ATP6V0A2: variants seen among roughly 807,000 people sequenced by gnomAD.
The protein encoded by ATP6V0A2 is ATPase H+ transporting V0 subunit a2, also known as V-type proton ATPase 116 kDa subunit a 2.
In ATP6V0A2, 58 loss-of-function variants were observed where a neutral mutation model predicts 104.4. The ratio of observed to expected loss-of-function variants is 0.56; its 90% confidence interval spans 0.45 to 0.69. The LOEUF is 0.69. Ranked by LOEUF, ATP6V0A2 falls within the 30% of genes least tolerant of loss-of-function variation. The pLI, the probability that ATP6V0A2 is intolerant of heterozygous loss-of-function variation, is 0.00. For synonymous variants in ATP6V0A2, 376 were observed against 397.9 expected, an observed-to-expected ratio of 0.95 and a Z score of 0.65; for missense variants, 938 against 1,062.9, an observed-to-expected ratio of 0.88 and a Z score of 1.63.
At chr12:123,736,020 G>A (rs564584613) in intron 8 of ATP6V0A2, among the ~76,000 whole-genome samples, 71 of 151,678 alleles carry the variant, frequency 4.7e-4, no homozygotes, top group East Asian at 3.9e-4. Flanking sequence ...TTACAGTCAC[G>A]CACCACCATG....
intron 6 of ATP6V0A2, among the ~76,000 whole-genome samples, chr12:123,728,203 T>C (rs1956465957): frequency 6.6e-6 from 1 of 152,196 alleles, no homozygotes; most frequent in Admixed American, 6.5e-5. Context: ...AAGAATGTAA[T>C]TTAGCATTGC....
chr12:123,755,552 T>TA (rs1361631383), intron 18 of ATP6V0A2, among the ~76,000 whole-genome samples: 8,213 of 107,334 alleles, frequency 0.077, 654 homozygotes, highest in African/African-American at 0.23. Flanking sequence ...AAAAAAAAGC[T>TA]AAAAAAAAAA....
chr12:123,726,078 T>C (rs1340393672), intron 4 of ATP6V0A2, 119 bp from the exon 5 acceptor site: 5 of 750,416 alleles, frequency 6.7e-6, no homozygotes, highest in Non-Finnish European at 1.2e-5. Flanking sequence ...CTCAGAAGTC[T>C]TTGCACCCAG....
At chr12:123,746,471 T>C (rs1454467465) in intron 13 of ATP6V0A2, among the ~76,000 whole-genome samples, 1 of 151,578 alleles carries the variant, frequency 6.6e-6, no homozygotes, top group African/African-American at 2.4e-5. Context: ...GGCTAGGAAC[T>C]GGGAGGCTAG....
At chr12:123,727,653 T>C in intron 5 of ATP6V0A2, 130 bp from the exon 6 acceptor site, 7 of 1,019,894 alleles carry the variant, frequency 6.9e-6, no homozygotes, top group Non-Finnish European at 1.1e-5. Flanking sequence ...GCACCTGAGA[T>C]GTTTTGCAGT....
In ATP6V0A2 at chr12:123,735,617, T is replaced by C; in HGVS notation, c.818T>C (p.Leu273Pro). Residue 273 changes from leucine (L) to proline (P), a missense_variant, in exon 8 of 20, where the codon CTC becomes CCC. Leu to Pro is a moderately conservative substitution (Grantham distance 98). Coordinates refer to ENST00000330342, the MANE Select transcript of ATP6V0A2 (RefSeq NM_012463.4). Reference protein sequence around the residue: ...QEGLNTRIQDLYTVLHKTEDY... With the variant: ...QEGLNTRIQDPYTVLHKTEDY... ...GGGCTGAACACCCGCATCCAGGATCTCTACACTGTGAGTAAGCTGGAAGTG... is the reference window on the plus strand; with the variant it reads ...GGGCTGAACACCCGCATCCAGGATCCCTACACTGTGAGTAAGCTGGAAGTG... The C allele has an allele frequency of 6.2e-7, 1 of 1,613,492 alleles. No individual in the cohort carries two copies. The highest frequency in any genetic ancestry group is 2.2e-5 in the East Asian group (1 of 44,870).
At chr12:123,725,173 A>C (rs1210085703) in intron 4 of ATP6V0A2, among the ~76,000 whole-genome samples, 1 of 152,136 alleles carries the variant, frequency 6.6e-6, no homozygotes, top group Non-Finnish European at 1.5e-5. Context: ...GACCCAGTTG[A>C]TCCACCTTCC....
chr12:123,737,321 A>G (rs1288275735), intron 9 of ATP6V0A2, 50 bp downstream of exon 9: 10 of 1,563,150 alleles, frequency 6.4e-6, no homozygotes, highest in Non-Finnish European at 8.8e-6. Flanking sequence ...AGACTGATGG[A>G]ACTGATAAAT....
rs1956408623 is a variant in ATP6V0A2 at position 123,722,429 on chromosome 12, A to G, written c.275A>G (p.Lys92Arg). ...GCCAGCCCTCCTGCGCCACCCCTGA[A>G]ACAGGTTCTAGAAATGCAGGTAACT... is the stretch of plus-strand genomic sequence containing the variant. ...GEASPPAPPL[K>R]QVLEMQEQLQ... Residue 92 changes from lysine (K) to arginine (R), a missense_variant, in exon 3 of 20, where the codon AAA (lysine) becomes AGA (arginine). By Grantham distance (26) the Lys-to-Arg change is conservative. Transcript: ENST00000330342. 6.2e-7 allele frequency: 1 copy of G among 1,610,082 alleles called. No homozygotes were observed. The highest frequency in any genetic ancestry group is 8.5e-7 in the Non-Finnish European group (1 of 1,176,416).
chr12:123,751,338 A>G, intron 16 of ATP6V0A2, 109 bp downstream of exon 16: 1 of 1,517,778 alleles, frequency 6.6e-7, no homozygotes, highest in Non-Finnish European at 9.1e-7. Flanking sequence ...CTTGATTTAA[A>G]AGCCAAAGCT....
chr12:123,748,416 G>A (rs533575397), intron 14 of ATP6V0A2, among the ~76,000 whole-genome samples, 159 bp from the exon 15 acceptor site: 3 of 152,332 alleles, frequency 2.0e-5, no homozygotes, highest in Admixed American at 6.5e-5. Flanking sequence ...TCTCTTCCTC[G>A]TAGATGTATC....
At chr12:123,722,009 A>G (rs1956404684) in intron 2 of ATP6V0A2, among the ~76,000 whole-genome samples, 1 of 152,186 alleles carries the variant, frequency 6.6e-6, no homozygotes, top group Admixed American at 6.5e-5. Context: ...TGCGACTCAA[A>G]AGTTCTTTCA....
chr12:123,756,868 A>G lies in ATP6V0A2; in HGVS notation c.2347A>G (p.Thr783Ala). The G allele has an allele frequency of 1.2e-6, 2 of 1,614,144 alleles. No homozygotes were observed. The highest frequency in any genetic ancestry group is 2.2e-5 in the East Asian group (1 of 44,878). ...MLMRVGLRVDTTYGVLLLLPV... is the reference protein window; with the variant it reads ...MLMRVGLRVDATYGVLLLLPV... ...GATGCGCGTGGGCCTCCGCGTTGAC[A>G]CCACCTATGGCGTCTTGCTACTGCT... Residue 783 changes from threonine to alanine, a missense_variant, in exon 19 of 20, where the codon ACC (threonine) becomes GCC (alanine). Thr to Ala is a moderately conservative substitution (Grantham distance 58, BLOSUM62 0). Coordinates refer to ENST00000330342, the MANE Select transcript of ATP6V0A2 (RefSeq NM_012463.4).
intron 17 of ATP6V0A2, among the ~76,000 whole-genome samples, chr12:123,753,081 C>G (rs901326380): frequency 2.0e-5 from 3 of 151,848 alleles, no homozygotes; most frequent in Admixed American, 6.6e-5. Flanking sequence ...CCTCAGTCCC[C>G]TTCACCAGTG....
rs1486488543 is a variant in ATP6V0A2 at position 123,761,542 on chromosome 12, A to C, written c.*3510A>C. 1 of 151,888 alleles carries C rather than the reference A, an allele frequency of 6.6e-6. No individual in the cohort carries two copies. Among genetic ancestry groups the C allele is most frequent in the Non-Finnish European group, 1.5e-5 (1 of 67,992 alleles). The allele number at this position is 151,888 out of a possible 1,614,324, so 9.4% of individuals were successfully genotyped here. A position where few individuals can be genotyped will look rare whatever the true frequency, so the allele number is the denominator to read the frequency against. On this transcript the variant is annotated 3_prime_UTR_variant, in exon 20 of 20. Transcript: ENST00000330342. ...TAGAATTTTCAGAAATACTTAGTAC[A>C]CTCCACCTGTTCTTTGATGGGAATA...
rs553756926 is a variant in ATP6V0A2, at chr12:123,747,645, C to A, written c.1644C>A (p.Asn548Lys). 6.2e-7 allele frequency: 1 copy of A among 1,613,792 alleles called. No individual in the cohort carries two copies. Among genetic ancestry groups the A allele is most frequent in the Non-Finnish European group, 8.5e-7 (1 of 1,179,658 alleles). Residue 548 changes from asparagine to lysine, a missense_variant, in exon 14 of 20, where the codon AAC (asparagine) becomes AAA (lysine). By Grantham distance (94) the Asn-to-Lys change is moderately conservative. Transcript: ENST00000330342. ...NLATNRLTFL[N>K]SFKMKMSVIL... ...CCACAAATCGCCTCACTTTTCTAAA[C>A]TCTTTCAAAATGAAAATGTCCGTGA... is the stretch of plus-strand genomic sequence containing the variant.
chr12:123,725,097 G>C (rs899997299), intron 4 of ATP6V0A2, among the ~76,000 whole-genome samples: 5 of 151,942 alleles, frequency 3.3e-5, no homozygotes, highest in African/African-American at 4.8e-5. Flanking sequence ...CACCACGCCT[G>C]TAATTTTTTG....
Position 123,737,065 on chromosome 12 carries a change from C to T in ATP6V0A2, c.832C>T (p.His278Tyr). ...TRIQDLYTVL[H>Y]KTEDYLRQVL... ...CCCTGTTGTTCTTCCCCAGGTACTG[C>T]ACAAAACCGAGGACTATTTGAGGCA... Residue 278 changes from histidine (H) to tyrosine (Y), a missense_variant, in exon 9 of 20, where the codon CAC becomes TAC. Coordinates refer to ENST00000330342, the MANE Select transcript of ATP6V0A2 (RefSeq NM_012463.4). 1 of 1,614,184 alleles carries T rather than the reference C, an allele frequency of 6.2e-7. No homozygotes were observed. Among genetic ancestry groups the T allele is most frequent in the Non-Finnish European group, 8.5e-7 (1 of 1,180,016 alleles).
intron 6 of ATP6V0A2, 43 bp downstream of exon 6, chr12:123,727,952 C>T (rs780406812): frequency 2.5e-6 from 4 of 1,613,588 alleles, no homozygotes; most frequent in Non-Finnish European, 2.5e-6. Context: ...GACGGACTAA[C>T]AGCAGAGTTG....
Sources: gnomAD v4.1 joint callset for allele counts (sites outside exome capture counted in the v4.1 genomes callset) on GRCh38, gnomAD v4.1.1 for gene constraint, MANE v1.5 for transcripts, NCBI Gene and HGNC (gene_info 2026-07-23, HGNC 2026-07-21) for gene names.